CSMD1: variants seen among roughly 807,000 people sequenced by gnomAD.
The protein encoded by CSMD1 is CUB and Sushi multiple domains 1.
CSMD1 carries 213 observed loss-of-function variants against 417.5 expected under a neutral mutation model. The observed-to-expected ratio is 0.51, with a 90% confidence interval of 0.46 to 0.57. CSMD1 has a LOEUF of 0.57. Among genes scored for constraint, CSMD1 ranks in the 20% least tolerant of loss-of-function variants. The probability of loss-of-function intolerance (pLI) is 0.00; values close to 1 mark genes in which losing one functional copy is unlikely to be tolerated. For missense variants in CSMD1, 6,923 were observed against 4,529.7 expected (o/e 1.53, Z -15.17); for synonymous variants, 2,862 against 1,736.8 (o/e 1.65, Z -16.11).
intron 3 of CSMD1, among the ~76,000 whole-genome samples, chr8:4,201,103 A>G (rs1312665871): frequency 6.6e-6 from 1 of 152,216 alleles, no homozygotes; most frequent in African/African-American, 2.4e-5. Flanking sequence ...TACCTTTCAG[A>G]GAATCAGTGA....
chr8:3,577,453 T>TA (rs989042029), intron 9 of CSMD1, among the ~76,000 whole-genome samples: 2 of 152,194 alleles, frequency 1.3e-5, no homozygotes, highest in African/African-American at 4.8e-5. Context: ...CATATTTTAA[T>TA]AAAAAATTGT....
chr8:3,842,492 G>A (rs540375135), intron 5 of CSMD1, among the ~76,000 whole-genome samples: 1 of 151,946 alleles, frequency 6.6e-6, no homozygotes, highest in Non-Finnish European at 1.5e-5. Context: ...ATATTTTTTG[G>A]CTAAATTTCT....
intron 23 of CSMD1, among the ~76,000 whole-genome samples, chr8:3,318,374 T>C (rs1231650896): frequency 6.6e-6 from 1 of 152,226 alleles, no homozygotes; most frequent in African/African-American, 2.4e-5. Flanking sequence ...GATTCATTAA[T>C]GCAATCACTT....
intron 1 of CSMD1, among the ~76,000 whole-genome samples, chr8:4,655,485 T>C (rs1164391501): frequency 1.3e-5 from 2 of 152,154 alleles, no homozygotes; most frequent in Non-Finnish European, 2.9e-5. Flanking sequence ...GGAAATAAAG[T>C]AAAATCTATG....
At chr8:4,206,348 C>G (rs75849314) in intron 3 of CSMD1, among the ~76,000 whole-genome samples, 1 of 152,164 alleles carries the variant, frequency 6.6e-6, no homozygotes, top group South Asian at 2.1e-4. Context: ...TTTCCCCTCC[C>G]CCCAACCCAC....
At chr8:3,918,828 A>G (rs1025090082) in intron 5 of CSMD1, among the ~76,000 whole-genome samples, 2 of 152,128 alleles carry the variant, frequency 1.3e-5, no homozygotes, top group Admixed American at 6.5e-5. Flanking sequence ...CCAAACTATG[A>G]GGATGCAAAG....
intron 7 of CSMD1, among the ~76,000 whole-genome samples, chr8:3,686,133 G>A (rs1799932950): frequency 6.6e-6 from 1 of 151,542 alleles, no homozygotes; most frequent in African/African-American, 2.4e-5. Flanking sequence ...AAAAAAAACT[G>A]TCTATGGGAC....
intron 2 of CSMD1, among the ~76,000 whole-genome samples, chr8:4,636,570 C>A (rs1289358328): frequency 6.6e-6 from 1 of 152,084 alleles, no homozygotes. Context: ...TATCTTTGTT[C>A]TTTTTCTCTC....
At chr8:4,446,283 C>T (rs1254673258) in intron 2 of CSMD1, among the ~76,000 whole-genome samples, 1 of 152,168 alleles carries the variant, frequency 6.6e-6, no homozygotes, top group Non-Finnish European at 1.5e-5. Context: ...AGTGGTGGCT[C>T]ATGCCCGTAA....
chr8:3,865,771 C>T (rs1182097009), intron 5 of CSMD1, among the ~76,000 whole-genome samples: 2 of 152,030 alleles, frequency 1.3e-5, no homozygotes, highest in African/African-American at 2.4e-5. Context: ...GCTAGGTTTC[C>T]GTCATATTTC....
chr8:4,908,795 T>C (rs1303639235), intron 1 of CSMD1, among the ~76,000 whole-genome samples: 1 of 152,164 alleles, frequency 6.6e-6, no homozygotes, highest in Admixed American at 6.5e-5. Context: ...TATCTGCTCT[T>C]ACATGTTGTC....
chr8:3,436,510 A>G (rs1814576581), intron 12 of CSMD1, among the ~76,000 whole-genome samples: 4 of 152,338 alleles, frequency 2.6e-5, no homozygotes, highest in Admixed American at 2.6e-4. Flanking sequence ...AATTATGTAA[A>G]TTAAGTGTAA....
At chr8:4,238,747 G>C (rs998857293) in intron 3 of CSMD1, among the ~76,000 whole-genome samples, 1 of 152,126 alleles carries the variant, frequency 6.6e-6, no homozygotes, top group South Asian at 2.1e-4. Flanking sequence ...TCCAATTAAA[G>C]TTTTCATTGC....
At chr8:2,999,079 A>G (rs1013519633) in intron 53 of CSMD1, among the ~76,000 whole-genome samples, 2 of 152,126 alleles carry the variant, frequency 1.3e-5, no homozygotes, top group Non-Finnish European at 2.9e-5. Flanking sequence ...AATATTTACA[A>G]TATTTATCGC....
At chr8:3,375,958 T>C (rs746710096) in intron 18 of CSMD1, among the ~76,000 whole-genome samples, 13 of 152,162 alleles carry the variant, frequency 8.5e-5, no homozygotes, top group East Asian at 1.9e-4. Flanking sequence ...ATCTCCAAAA[T>C]TGCCTCCAAG....
intron 3 of CSMD1, among the ~76,000 whole-genome samples, chr8:4,157,418 C>A (rs2131079613): frequency 6.6e-6 from 1 of 152,226 alleles, no homozygotes; most frequent in African/African-American, 2.4e-5. Context: ...CTATTTTCGT[C>A]CTTTTTCTTT....
At position 3,551,616 on chromosome 8, in the gene CSMD1, T is replaced by C. The variant is rs1329570904; in HGVS notation, c.1344+23329A>G. On this transcript the variant is annotated intron_variant, in intron 10 of 69. Transcript: ENST00000635120. ...TATATATTTTTTTTTTTTTTTTTTC[T>C]GAAGATACATTATGTTCTTTCCGGT... is the stretch of plus-strand genomic sequence containing the variant. Among the ~76,000 whole-genome samples, 6 of 133,038 alleles carry C rather than the reference T, an allele frequency of 4.5e-5. No individual in the cohort carries two copies. In the East Asian group the frequency reaches 1.3e-3, roughly 28 times the overall value. The allele number at this position is 133,038 out of a possible 152,430, so 87.3% of individuals were successfully genotyped here.
chr8:4,699,864 G>A (rs762100217), intron 1 of CSMD1, among the ~76,000 whole-genome samples: 3 of 152,172 alleles, frequency 2.0e-5, no homozygotes, highest in Non-Finnish European at 4.4e-5. Flanking sequence ...CTGCGAGCAA[G>A]AACAAGAGAC....
At position 4,711,650 on chromosome 8, in the gene CSMD1, C is replaced by A. The variant is rs1036312799; in HGVS notation, c.86-74092G>T. ...TTTGCAGTCGGAAAAGCCAGGAATA[C>A]TTCTTTACTGTAGGTAAATTTAAAA... On this transcript the variant is annotated intron_variant, in intron 1 of 69. Transcript: ENST00000635120. 4.8e-5 allele frequency among the ~76,000 whole-genome samples: 6 copies of A among 123,896 alleles called. No individual in the cohort carries two copies. The East Asian group carries it at 9.8e-4, about 20-fold the overall frequency. The allele number at this position is 123,896 out of a possible 152,430, so 81.3% of individuals were successfully genotyped here. A position where few individuals can be genotyped will look rare whatever the true frequency, so the allele number is the denominator to read the frequency against.
Sources: allele counts gnomAD v4.1 joint callset (sites outside exome capture counted in the v4.1 genomes callset), GRCh38; gene constraint gnomAD v4.1.1; transcripts MANE v1.5; gene names NCBI Gene and HGNC (gene_info 2026-07-23, HGNC 2026-07-21).